Variants in USP14 observed in about 807,000 individuals in gnomAD.
USP14 encodes the protein ubiquitin carboxyl-terminal hydrolase 14.
Under a neutral mutation model 76.5 loss-of-function variants are expected in USP14, and 38 were observed. That is an observed-to-expected ratio of 0.50 (90% CI 0.38 to 0.65). The LOEUF is 0.65. Ranked by LOEUF, USP14 falls within the 30% of genes least tolerant of loss-of-function variation. USP14 has a pLI of 0.00. For synonymous variants in USP14, 192 were observed against 191.7 expected (o/e 1.00, Z -0.01); for missense variants, 467 against 586.5 (o/e 0.80, Z 2.10).
intron 3 of USP14, among the ~76,000 whole-genome samples, chr18:168,070 C>T (rs1056200125): frequency 1.3e-5 from 2 of 151,148 alleles, no homozygotes; most frequent in African/African-American, 2.4e-5. Context: ...GGATTACAGG[C>T]GCCCACCACC....
chr18:206,992 A>G (rs1008493679), intron 13 of USP14, among the ~76,000 whole-genome samples: 1 of 152,154 alleles, frequency 6.6e-6, no homozygotes, highest in African/African-American at 2.4e-5. Flanking sequence ...AACTTTTTAT[A>G]TAGTGTGAGG....
intron 5 of USP14, among the ~76,000 whole-genome samples, chr18:187,916 AT>A (rs1411532752): frequency 6.6e-6 from 1 of 152,220 alleles, no homozygotes; most frequent in Non-Finnish European, 1.5e-5. Context: ...TTATGAGGAA[AT>A]AAGGCATATT....
intron 10 of USP14, 109 bp downstream of exon 10, chr18:199,425 C>A: frequency 2.8e-6 from 2 of 726,938 alleles, no homozygotes; most frequent in Non-Finnish European, 4.6e-6. Flanking sequence ...ATGTGCAGAG[C>A]AATACGCATT....
intron 9 of USP14, among the ~76,000 whole-genome samples, chr18:198,758 T>A (rs1384670920): frequency 6.6e-6 from 1 of 152,088 alleles, no homozygotes; most frequent in African/African-American, 2.4e-5. Context: ...AGGTGACTGT[T>A]AATAATAACT....
intron 5 of USP14, among the ~76,000 whole-genome samples, chr18:184,993 C>T (rs1909888121): frequency 6.6e-6 from 1 of 151,952 alleles, no homozygotes; most frequent in African/African-American, 2.4e-5. Context: ...AGAGTGAAAA[C>T]TATATGTTAT....
intron 12 of USP14, among the ~76,000 whole-genome samples, chr18:203,616 CTT>C (rs773356989): frequency 6.8e-6 from 1 of 146,648 alleles, no homozygotes; most frequent in Non-Finnish European, 1.5e-5. Context: ...TGGTTTCTTT[CTT>C]TTTTTTTTTG....
At chr18:186,818 G>A (rs1909944294) in intron 5 of USP14, among the ~76,000 whole-genome samples, 1 of 152,034 alleles carries the variant, frequency 6.6e-6, no homozygotes, top group Admixed American at 6.6e-5. Flanking sequence ...CATATGTGTA[G>A]CAGTGTATGT....
intron 5 of USP14, among the ~76,000 whole-genome samples, chr18:181,020 A>G (rs112220713): frequency 1.2e-4 from 18 of 150,760 alleles, no homozygotes; most frequent in Non-Finnish European, 1.2e-4. Context: ...CCTCATTCCT[A>G]TTTTATGGCT....
intron 1 of USP14, among the ~76,000 whole-genome samples, chr18:159,947 A>G (rs1227173680): frequency 6.6e-6 from 1 of 152,210 alleles, no homozygotes; most frequent in African/African-American, 2.4e-5. Context: ...AGGGTCAGCA[A>G]AAAGCTCTAT....
chr18:183,085 C>T (rs1909829217), intron 5 of USP14, among the ~76,000 whole-genome samples: 1 of 152,082 alleles, frequency 6.6e-6, no homozygotes, highest in Admixed American at 6.6e-5. Flanking sequence ...AAAAAATTGC[C>T]TGGTGAATCT....
At chr18:158,895 C>A in intron 1 of USP14, 181 bp downstream of exon 1, 2 of 1,027,162 alleles carry the variant, frequency 1.9e-6, no homozygotes, top group Non-Finnish European at 2.5e-6. Flanking sequence ...CGGAGCCCTG[C>A]GTGGCAGGGG....
At chr18:188,218 A>G (rs1270190519) in intron 5 of USP14, among the ~76,000 whole-genome samples, 1 of 151,998 alleles carries the variant, frequency 6.6e-6, no homozygotes, top group East Asian at 1.9e-4. Context: ...AATATTCTTA[A>G]GAATGTTAAG....
intron 13 of USP14, among the ~76,000 whole-genome samples, chr18:207,936 C>A (rs1270839566): frequency 6.6e-6 from 1 of 151,912 alleles, no homozygotes; most frequent in South Asian, 2.1e-4. Flanking sequence ...GATCTTAAAT[C>A]CTTGACTTTG....
At chr18:171,350 A>G (rs1447010615) in intron 3 of USP14, among the ~76,000 whole-genome samples, 2 of 152,106 alleles carry the variant, frequency 1.3e-5, no homozygotes, top group African/African-American at 4.8e-5. Context: ...TAATGTAGCT[A>G]ATGACTTTAA....
In USP14 at chr18:180,313, G is replaced by C. The variant is rs1362646580; in HGVS notation, c.378G>C (p.Val126=). The change falls in exon 5 of 16, where the codon GTG becomes GTC. Residue 126 remains valine, a synonymous_variant. Transcript: ENST00000261601. ...MNATVQCIRS[V]PELKDALKRY... Reference sequence around the variant, plus strand: ...CCACAGTTCAGTGTATTCGTTCTGTGCCTGAACTCAAAGATGCCCTTAAAA... The same window carrying C: ...CCACAGTTCAGTGTATTCGTTCTGTCCCTGAACTCAAAGATGCCCTTAAAA... 6.3e-7 allele frequency: 1 copy of C among 1,589,252 alleles called. No homozygotes were observed. The highest frequency in any genetic ancestry group is 2.3e-5 in the East Asian group (1 of 43,562).
At position 212,705 on chromosome 18, in the gene USP14, G is replaced by A. The variant is rs1395575831; in HGVS notation, c.*1421G>A. The A allele has an allele frequency of 2.0e-5, 3 of 152,152 alleles. No homozygotes were observed. Among genetic ancestry groups the A allele is most frequent in the African/African-American group, 7.2e-5 (3 of 41,444 alleles). The allele number at this position is 152,152 out of a possible 1,614,324, so 9.4% of individuals were successfully genotyped here. ...CCAAGCATATGAGGTATTTCAATAT[G>A]ATAGGCTTCTTACATTTTAATAGTT... On this transcript the variant is annotated 3_prime_UTR_variant, in exon 16 of 16. Coordinates refer to ENST00000261601, the MANE Select transcript of USP14 (RefSeq NM_005151.4).
chr18:196,583 C>T (rs1465549979), intron 6 of USP14, 54 bp from the exon 7 acceptor site: 4 of 1,540,308 alleles, frequency 2.6e-6, no homozygotes, highest in Non-Finnish European at 3.5e-6. Flanking sequence ...TTTACAGTCG[C>T]GTGTATTAAA....
chr18:180,748 G>A (rs1909765196), intron 5 of USP14, among the ~76,000 whole-genome samples: 1 of 152,146 alleles, frequency 6.6e-6, no homozygotes, highest in Non-Finnish European at 1.5e-5. Context: ...TACAGCACAC[G>A]TAACACCTCA....
chr18:214,572 G>T lies in USP14; in HGVS notation c.*3288G>T. 1 of 1,446,574 alleles carries T rather than the reference G, an allele frequency of 6.9e-7. No homozygotes were observed. Among genetic ancestry groups the T allele is most frequent in the Non-Finnish European group, 9.5e-7 (1 of 1,057,724 alleles). The allele number at this position is 1,446,574 out of a possible 1,614,324, so 89.6% of individuals were successfully genotyped here. A position where few individuals can be genotyped will look rare whatever the true frequency, so the allele number is the denominator to read the frequency against. On this transcript the variant is annotated 3_prime_UTR_variant, in exon 16 of 16. Coordinates refer to ENST00000261601, the MANE Select transcript of USP14 (RefSeq NM_005151.4). ...AAAACCAGTGGACCTCTTATCAAAT[G>T]CTGCTTGGTAACAAAATCTATCACA...
Sources: gnomAD v4.1 joint callset for allele counts (sites outside exome capture counted in the v4.1 genomes callset) on GRCh38, gnomAD v4.1.1 for gene constraint, MANE v1.5 for transcripts, NCBI Gene and HGNC (gene_info 2026-07-23, HGNC 2026-07-21) for gene names.